Variants in KAZN observed in about 807,000 individuals in gnomAD.
KAZN encodes kazrin.
A neutral mutation model predicts 87.4 loss-of-function variants in KAZN; 40 were observed. The ratio of observed to expected loss-of-function variants is 0.46; its 90% CI spans 0.36 to 0.60. KAZN has a LOEUF of 0.60. Among genes scored for constraint, KAZN ranks in the 20% least tolerant of loss-of-function variants. The probability of loss-of-function intolerance (pLI) is 0.00; values close to 1 mark genes in which losing one functional copy is unlikely to be tolerated. For missense variants in KAZN, 898 were observed against 1,073.9 expected (o/e 0.84, Z 2.29); for synonymous variants, 466 against 458.3 (o/e 1.02, Z -0.22).
intron 2 of KAZN, among the ~76,000 whole-genome samples, chr1:14,392,537 C>T (rs1295773813): frequency 1.3e-5 from 2 of 152,032 alleles, no homozygotes; most frequent in African/African-American, 4.8e-5. Flanking sequence ...GTGTCTCTGC[C>T]CTTCCCCAAG....
chr1:14,146,536 C>CAAAAAAAAAAAAAAAAAAAAAAAAA (rs55928646), intron 1 of KAZN, among the ~76,000 whole-genome samples: 13 of 63,506 alleles, frequency 2.0e-4, no homozygotes, highest in East Asian at 1.5e-3. Context: ...AACTCCATCT[C>CAAAAAAAAAAAAAAAAAAAAAAAAA]AAAAAAAAAA....
At chr1:14,345,659 C>T (rs549579274) in intron 2 of KAZN, among the ~76,000 whole-genome samples, 8 of 152,222 alleles carry the variant, frequency 5.3e-5, no homozygotes, top group Admixed American at 3.3e-4. Flanking sequence ...TGTCTTGGAA[C>T]GTGCCAGCCT....
chr1:13,904,653 G>A (rs1639370363), intron 1 of KAZN, among the ~76,000 whole-genome samples: 1 of 152,178 alleles, frequency 6.6e-6, no homozygotes, highest in South Asian at 2.1e-4. Context: ...TCATTTCTCT[G>A]TAGGTGATCT....
At chr1:14,533,825 A>AGTCTCCC in intron 2 of KAZN, among the ~76,000 whole-genome samples, 1 of 152,178 alleles carries the variant, frequency 6.6e-6, no homozygotes, top group Non-Finnish European at 1.5e-5. Flanking sequence ...AGACTTAAGC[A>AGTCTCCC]AACAGTACCT....
intron 1 of KAZN, among the ~76,000 whole-genome samples, chr1:14,770,414 C>A (rs1366281363): frequency 6.6e-6 from 1 of 152,126 alleles, no homozygotes; most frequent in Non-Finnish European, 1.5e-5. Context: ...CAGGTAGAAT[C>A]AGTGTAACTG....
chr1:15,087,900 T>C (rs990651408), intron 8 of KAZN, among the ~76,000 whole-genome samples: 4 of 152,200 alleles, frequency 2.6e-5, no homozygotes, highest in Non-Finnish European at 5.9e-5. Flanking sequence ...CACACCATCC[T>C]GTGAGATTAA....
chr1:13,912,450 T>A (rs7517733), intron 1 of KAZN, among the ~76,000 whole-genome samples: 30,448 of 151,978 alleles, frequency 0.2, 3,414 homozygotes, highest in Non-Finnish European at 0.26. Flanking sequence ...AACTCCCAGG[T>A]CCAGGGCTGG....
chr1:14,140,469 T>C (rs1645211918), intron 1 of KAZN, among the ~76,000 whole-genome samples: 1 of 152,078 alleles, frequency 6.6e-6, no homozygotes, highest in Admixed American at 6.5e-5. Flanking sequence ...CAGAAAACGT[T>C]TGCATGATCT....
intron 1 of KAZN, among the ~76,000 whole-genome samples, chr1:13,940,970 G>A (rs1028086940): frequency 6.6e-6 from 1 of 152,150 alleles, no homozygotes; most frequent in African/African-American, 2.4e-5. Flanking sequence ...GGAAGTGGGT[G>A]GATCACCTGA....
intron 1 of KAZN, among the ~76,000 whole-genome samples, chr1:14,033,662 G>A (rs1035872894): frequency 6.6e-6 from 1 of 152,186 alleles, no homozygotes; most frequent in African/African-American, 2.4e-5. Flanking sequence ...CTGCTTCTTA[G>A]GAATGGGACA....
In KAZN at chr1:15,011,305, C is replaced by G. The variant is rs561933291; in HGVS notation, c.419-23444C>G. On this transcript the variant is annotated intron_variant, in intron 2 of 14. Transcript: ENST00000376030. ...CATATGCTCTTGTTATCTCTAAATC[C>G]CAGGGCTCCTGGCTGGATTGAATAA... 5.3e-5 allele frequency among the ~76,000 whole-genome samples: 8 copies of G among 152,276 alleles called. No individual in the cohort carries two copies. In the East Asian group the frequency reaches 1.5e-3, roughly 29 times the overall value.
At chr1:13,933,607 T>C (rs1003358468) in intron 1 of KAZN, among the ~76,000 whole-genome samples, 1 of 152,224 alleles carries the variant, frequency 6.6e-6, no homozygotes, top group Non-Finnish European at 1.5e-5. Context: ...TTCTAGACCT[T>C]GTGGGCATAG....
At chr1:14,440,839 T>G (rs1666656157) in intron 2 of KAZN, among the ~76,000 whole-genome samples, 1 of 152,190 alleles carries the variant, frequency 6.6e-6, no homozygotes, top group African/African-American at 2.4e-5. Flanking sequence ...TTAAGTCAGG[T>G]GTCCAGGTCT....
At chr1:14,808,251 C>G (rs533304273) in intron 1 of KAZN, among the ~76,000 whole-genome samples, 27 of 149,796 alleles carry the variant, frequency 1.8e-4, no homozygotes, top group African/African-American at 3.2e-4. Flanking sequence ...TTGTGCAACT[C>G]TCAGGGGCAG....
intron 3 of KAZN, among the ~76,000 whole-genome samples, chr1:15,039,389 C>T (rs749945402): frequency 1.3e-5 from 2 of 152,152 alleles, no homozygotes; most frequent in Non-Finnish European, 2.9e-5. Context: ...GCCACCGTCC[C>T]CACACCACTC....
intron 2 of KAZN, among the ~76,000 whole-genome samples, chr1:14,490,066 T>G (rs1669566987): frequency 6.6e-6 from 1 of 152,176 alleles, no homozygotes; most frequent in African/African-American, 2.4e-5. Context: ...GGAAGGCACA[T>G]CCATTCTCAT....
At chr1:14,860,253 G>A (rs188101418) in intron 1 of KAZN, among the ~76,000 whole-genome samples, 126 of 151,746 alleles carry the variant, frequency 8.3e-4, no homozygotes, top group Non-Finnish European at 1.3e-3. Context: ...GTGCAGTGGC[G>A]TGATCTCAGT....
intron 1 of KAZN, among the ~76,000 whole-genome samples, chr1:14,067,141 C>A (rs1010052892): frequency 2.0e-5 from 3 of 152,078 alleles, no homozygotes; most frequent in Non-Finnish European, 2.9e-5. Context: ...TCCTCCCCGC[C>A]CCAAATAATG....
At chr1:14,466,773 C>A (rs977464598) in intron 2 of KAZN, among the ~76,000 whole-genome samples, 1 of 151,928 alleles carries the variant, frequency 6.6e-6, no homozygotes, top group Non-Finnish European at 1.5e-5. Flanking sequence ...TGGAGACCAT[C>A]CTGGCTAACA....
Sources: gnomAD v4.1 joint callset for allele counts (sites outside exome capture counted in the v4.1 genomes callset) on GRCh38, gnomAD v4.1.1 for gene constraint, MANE v1.5 for transcripts, NCBI Gene and HGNC (gene_info 2026-07-23, HGNC 2026-07-21) for gene names.